Variants in RBFOX3 observed in about 807,000 individuals in gnomAD.
The protein encoded by RBFOX3 is RNA binding protein fox-1 homolog 3.
RBFOX3 carries 17 observed loss-of-function variants against 48.7 expected under a neutral mutation model. The observed-to-expected ratio is 0.35, with a 90% CI of 0.24 to 0.52. The LOEUF (loss-of-function observed/expected upper bound fraction) is 0.52. Among genes scored for constraint, RBFOX3 ranks in the 20% least tolerant of loss-of-function variants. The pLI is 0.94. For missense variants in RBFOX3, 382 were observed against 497.5 expected, an observed-to-expected ratio of 0.77 and a Z score of 2.21; for synonymous variants, 212 against 209.5, an observed-to-expected ratio of 1.01 and a Z score of -0.10.
intron 2 of RBFOX3, among the ~76,000 whole-genome samples, chr17:79,404,669 C>T (rs1194412639): frequency 6.6e-6 from 1 of 152,044 alleles, no homozygotes; most frequent in Non-Finnish European, 1.5e-5. Flanking sequence ...CCCTGTGGGT[C>T]CCTCAAATCA....
At chr17:79,329,422 GAA>G in intron 2 of RBFOX3, among the ~76,000 whole-genome samples, 1 of 152,270 alleles carries the variant, frequency 6.6e-6, no homozygotes, top group African/African-American at 2.4e-5. Flanking sequence ...GGAAGGCATG[GAA>G]GTGGCTCCCC....
In RBFOX3 at chr17:79,528,046, A is replaced by AG. The variant is rs1281485428; in HGVS notation, c.-319-45449dup. ...GAGGAGAATCTTAGTTGAACCACTG[A>AG]GTACCTCTGAGGAGGATCTTAGTTG... On this transcript the variant is annotated intron_variant, in intron 1 of 14. Coordinates refer to ENST00000693108, the MANE Select transcript of RBFOX3 (RefSeq NM_001350451.2). Among the ~76,000 whole-genome samples, 199 of 152,272 alleles carry AG rather than the reference A, an allele frequency of 1.3e-3. 1 individual carries two copies. The highest frequency in any genetic ancestry group is 4.7e-3 in the African/African-American group (197 of 41,532).
the RBFOX3 span, among the ~76,000 whole-genome samples, chr17:79,631,627 AGGCACCGAG>A: frequency 2.0e-5 from 3 of 152,252 alleles, no homozygotes; most frequent in Non-Finnish European, 4.4e-5. Flanking sequence ...TATGTTCTCA[AGGCACCGAG>A]GAAGTGTCTT....
In RBFOX3 at chr17:79,577,539, G is replaced by A. The variant is rs1418714021; in HGVS notation, c.-320+33287C>T. Among the ~76,000 whole-genome samples, 8 of 152,154 alleles carry A rather than the reference G, an allele frequency of 5.3e-5. No individual in the cohort carries two copies. The East Asian group carries it at 9.6e-4, about 18-fold the overall frequency. ...CAAAGGCCATTTTAATGACATACGC[G>A]GGGACAAGAAAAGCATTTGTGTTTC... On this transcript the variant is annotated intron_variant, in intron 1 of 14. Transcript: ENST00000693108.
intron 4 of RBFOX3, among the ~76,000 whole-genome samples, chr17:79,167,709 G>A (rs879375943): frequency 7.2e-5 from 11 of 152,264 alleles, no homozygotes; most frequent in East Asian, 1.9e-4. Flanking sequence ...TAGATTCCTC[G>A]CTTTAAATTC....
At chr17:79,384,014 C>T (rs895989253) in intron 2 of RBFOX3, among the ~76,000 whole-genome samples, 2 of 152,212 alleles carry the variant, frequency 1.3e-5, no homozygotes, top group Non-Finnish European at 2.9e-5. Flanking sequence ...AGAAGCCAGG[C>T]TTTCAAAGGT....
At chr17:79,335,738 A>G (rs1261557356) in intron 2 of RBFOX3, among the ~76,000 whole-genome samples, 1 of 152,124 alleles carries the variant, frequency 6.6e-6, no homozygotes, top group African/African-American at 2.4e-5. Flanking sequence ...GCTCCACCTG[A>G]GCCCCTCCAG....
intron 2 of RBFOX3, among the ~76,000 whole-genome samples, chr17:79,387,931 T>TGCATGTGTACATGTGTGC (rs1162936268): frequency 6.6e-5 from 10 of 152,192 alleles, no homozygotes; most frequent in African/African-American, 2.4e-4. Context: ...TACATGCGTG[T>TGCATGTGTACATGTGTGC]GCATGTGTAC....
chr17:79,370,034 C>T (rs1193028508), intron 2 of RBFOX3, among the ~76,000 whole-genome samples: 1 of 152,224 alleles, frequency 6.6e-6, no homozygotes. Flanking sequence ...AGGCTCTTGG[C>T]CAGCAAGGGA....
chr17:79,133,013 C>T (rs2039345280), intron 4 of RBFOX3, among the ~76,000 whole-genome samples: 1 of 152,200 alleles, frequency 6.6e-6, no homozygotes, highest in Non-Finnish European at 1.5e-5. Flanking sequence ...TGGCCTGAGC[C>T]ACACAGGTAG....
intron 2 of RBFOX3, among the ~76,000 whole-genome samples, chr17:79,410,888 C>T (rs2064220433): frequency 6.6e-6 from 1 of 152,194 alleles, no homozygotes; most frequent in Non-Finnish European, 1.5e-5. Flanking sequence ...CCTGTGGCAC[C>T]AGCAGGTGCT....
chr17:79,342,616 G>A (rs1284403631), intron 2 of RBFOX3, among the ~76,000 whole-genome samples: 1 of 152,210 alleles, frequency 6.6e-6, no homozygotes, highest in East Asian at 1.9e-4. Flanking sequence ...TGCTTTAGCC[G>A]TGCAGGTCAG....
chr17:79,095,157 G>A (rs2074937662), intron 13 of RBFOX3, among the ~76,000 whole-genome samples: 1 of 152,028 alleles, frequency 6.6e-6, no homozygotes, highest in African/African-American at 2.4e-5. Flanking sequence ...AGATGTCTGA[G>A]GGGAAAGGCA....
chr17:79,304,603 T>C (rs965512720), intron 3 of RBFOX3, among the ~76,000 whole-genome samples: 5 of 152,110 alleles, frequency 3.3e-5, no homozygotes, highest in African/African-American at 1.2e-4. Context: ...GTTTTTCTTG[T>C]CTGTATTTTC....
At chr17:79,623,548 C>G in the RBFOX3 span, among the ~76,000 whole-genome samples, 3 of 152,148 alleles carry the variant, frequency 2.0e-5, no homozygotes, top group Admixed American at 6.5e-5. Flanking sequence ...CGCAGTGGCT[C>G]AGACCTGTAA....
intron 3 of RBFOX3, among the ~76,000 whole-genome samples, chr17:79,298,789 G>A (rs111774441): frequency 1.2e-4 from 18 of 152,302 alleles, no homozygotes; most frequent in African/African-American, 4.1e-4. Flanking sequence ...AGGGGTGGTA[G>A]GAGAGCTGGA....
At chr17:79,454,389 C>T (rs1474965554) in intron 2 of RBFOX3, among the ~76,000 whole-genome samples, 1 of 152,148 alleles carries the variant, frequency 6.6e-6, no homozygotes, top group African/African-American at 2.4e-5. Flanking sequence ...CCCCTCCTGC[C>T]CCTCCTGGCC....
chr17:79,595,248 G>A (rs2145191590), intron 1 of RBFOX3, among the ~76,000 whole-genome samples: 1 of 152,228 alleles, frequency 6.6e-6, no homozygotes, highest in Admixed American at 6.5e-5. Context: ...CCGGCACGCA[G>A]ACACGCAGCT....
At chr17:79,513,728 C>T (rs1032255205) in intron 1 of RBFOX3, among the ~76,000 whole-genome samples, 2 of 152,302 alleles carry the variant, frequency 1.3e-5, no homozygotes, top group East Asian at 1.9e-4. Context: ...GCTTGCCTAC[C>T]AGAAAGAACC....
Sources: gnomAD v4.1 joint callset for allele counts (sites outside exome capture counted in the v4.1 genomes callset) on GRCh38, gnomAD v4.1.1 for gene constraint, MANE v1.5 for transcripts, NCBI Gene and HGNC (gene_info 2026-07-23, HGNC 2026-07-21) for gene names.